The following DGKK variants were observed in gnomAD, a reference collection of about 807,000 sequenced individuals.
DGKK encodes diacylglycerol kinase kappa.
Under a neutral mutation model 92.2 loss-of-function variants are expected in DGKK, and 35 were observed. The ratio of observed to expected loss-of-function variants is 0.38; its 90% CI spans 0.29 to 0.50. The LOEUF is 0.50. DGKK is among the 20% of genes least tolerant of loss of function. The pLI is 0.92. For synonymous variants in DGKK, 368 were observed against 360.6 expected, an observed-to-expected ratio of 1.02 and a Z score of -0.23; for missense variants, 910 against 992.2, an observed-to-expected ratio of 0.92 and a Z score of 1.11.
At chrX:50,447,737 G>C (rs782242212) in intron 1 of DGKK, among the ~76,000 whole-genome samples, 2 of 109,142 alleles carry the variant, frequency 1.8e-5, no homozygotes, top group African/African-American at 6.6e-5. Flanking sequence ...ATAATCCTTT[G>C]TGTTCAGGGC....
chrX:50,387,950 G>T (rs1924591174), intron 13 of DGKK, among the ~76,000 whole-genome samples: 1 of 112,210 alleles, frequency 8.9e-6, no homozygotes, highest in South Asian at 3.7e-4. Context: ...GAATTCACTT[G>T]GTCCAACTTG....
rs1557226575 is a variant in DGKK, at chrX:50,401,080, T to C, written c.1368A>G (p.Ser456=). The C allele has an allele frequency of 8.3e-7, 1 of 1,200,245 alleles. No homozygotes were observed. Among genetic ancestry groups the C allele is most frequent in the Non-Finnish European group, 1.1e-6 (1 of 890,545 alleles). The change falls in exon 8 of 28, where the codon TCA becomes TCG. Residue 456 remains serine (S), a synonymous_variant. Coordinates refer to ENST00000611977, the MANE Select transcript of DGKK (RefSeq NM_001013742.4). ...TTAGAGCAGTGGGAGGAATGACTGA[T>C]GAGCGATGGCTTCTGAAGCAACATT... ...SKECCFRSHR[S]SVIPPTALSD...
At chrX:50,378,856 G>T (rs1924338386) in intron 20 of DGKK, among the ~76,000 whole-genome samples, 165 bp from the exon 21 acceptor site, 1 of 112,148 alleles carries the variant, frequency 8.9e-6, no homozygotes, top group South Asian at 3.7e-4. Context: ...AAGCCAATCT[G>T]GGAAAAGGGT....
At chrX:50,408,486 C>T (rs112647559) in intron 4 of DGKK, among the ~76,000 whole-genome samples, 1 of 111,702 alleles carries the variant, frequency 9.0e-6, no homozygotes, top group African/African-American at 3.3e-5. Flanking sequence ...TCACGCCATT[C>T]TCCTGCCTCA....
At chrX:50,430,285 C>T (rs782218990) in intron 1 of DGKK, among the ~76,000 whole-genome samples, 1 of 112,060 alleles carries the variant, frequency 8.9e-6, no homozygotes. Flanking sequence ...ATCTGTGATG[C>T]TGCAGATAGA....
chrX:50,432,454 A>G (rs1318702558), intron 1 of DGKK, among the ~76,000 whole-genome samples: 1 of 112,490 alleles, frequency 8.9e-6, no homozygotes, highest in Non-Finnish European at 1.9e-5. Flanking sequence ...CATTCTATGT[A>G]CAATGTTTTG....
chrX:50,423,794 G>T, intron 2 of DGKK, among the ~76,000 whole-genome samples: 1 of 112,004 alleles, frequency 8.9e-6, no homozygotes, highest in Non-Finnish European at 1.9e-5. Context: ...ATAGTGTGCA[G>T]ATAAATAGTG....
Position 50,464,865 on chromosome X carries a change from T to C in DGKK, c.645+5169A>G, listed in dbSNP as rs1057431826. On this transcript the variant is annotated intron_variant, in intron 1 of 27. Coordinates refer to ENST00000611977, the MANE Select transcript of DGKK (RefSeq NM_001013742.4). ...CCACAGTGTTGTGCACCCATCACCA[T>C]TCTCTGATTTTAGAACATTTTAATC... 2.7e-5 allele frequency among the ~76,000 whole-genome samples: 3 copies of C among 111,383 alleles called. No homozygotes were observed. The East Asian group carries it at 8.5e-4, about 31-fold the overall frequency.
intron 1 of DGKK, among the ~76,000 whole-genome samples, chrX:50,433,375 C>T (rs1226711458): frequency 8.9e-6 from 1 of 111,830 alleles, no homozygotes; most frequent in Non-Finnish European, 1.9e-5. Flanking sequence ...CTCAGGCCAC[C>T]GTATTTCAGT....
At chrX:50,437,842 C>G (rs1478715579) in intron 1 of DGKK, among the ~76,000 whole-genome samples, 1 of 111,442 alleles carries the variant, frequency 9.0e-6, no homozygotes, top group African/African-American at 3.3e-5. Context: ...GGGATTCCCA[C>G]TGGTCCTGGA....
intron 1 of DGKK, among the ~76,000 whole-genome samples, chrX:50,448,248 T>C (rs1293707603): frequency 9.1e-6 from 1 of 110,439 alleles, no homozygotes; most frequent in Non-Finnish European, 1.9e-5. Flanking sequence ...CCCAATACCA[T>C]TTCCTGGATC....
chrX:50,418,889 A>C (rs1402751532), intron 4 of DGKK, among the ~76,000 whole-genome samples: 4 of 111,856 alleles, frequency 3.6e-5, no homozygotes, highest in Non-Finnish European at 7.5e-5. Flanking sequence ...AATTCAAAAC[A>C]TCCTATGCGA....
At chrX:50,369,947 T>C (rs1381403047) in intron 27 of DGKK, among the ~76,000 whole-genome samples, 2 of 111,730 alleles carry the variant, frequency 1.8e-5, no homozygotes, top group Non-Finnish European at 3.8e-5. Context: ...TACATCAGAA[T>C]TGGCACAACT....
chrX:50,370,275 T>C (rs930778922), intron 27 of DGKK, 151 bp downstream of exon 27: 1 of 638,313 alleles, frequency 1.6e-6, no homozygotes, highest in Non-Finnish European at 2.3e-6. Context: ...AAGATATGGC[T>C]TGGTATCACT....
At chrX:50,396,868 G>C (rs1343533167) in intron 8 of DGKK, among the ~76,000 whole-genome samples, 1 of 112,205 alleles carries the variant, frequency 8.9e-6, no homozygotes, top group Non-Finnish European at 1.9e-5. Context: ...TTAATCATAA[G>C]GGAGTGCCCA....
chrX:50,424,843 C>T (rs782569837), intron 1 of DGKK, among the ~76,000 whole-genome samples: 34 of 111,450 alleles, frequency 3.1e-4, no homozygotes, highest in Non-Finnish European at 7.5e-5. Context: ...CTTCTCAACA[C>T]GTTTAGAGCC....
chrX:50,425,428 T>C (rs1351503500), intron 1 of DGKK, among the ~76,000 whole-genome samples: 2 of 110,440 alleles, frequency 1.8e-5, no homozygotes, highest in Non-Finnish European at 3.8e-5. Context: ...AGAAACTGAG[T>C]ACCAGCTGCT....
chrX:50,469,787 A>G (rs1557234312), intron 1 of DGKK, among the ~76,000 whole-genome samples: 1 of 112,021 alleles, frequency 8.9e-6, no homozygotes. Flanking sequence ...AACTGCTCCG[A>G]TTCCCACCCC....
At chrX:50,402,559 C>T (rs1925036047) in intron 7 of DGKK, among the ~76,000 whole-genome samples, 1 of 111,691 alleles carries the variant, frequency 9.0e-6, no homozygotes, top group Non-Finnish European at 1.9e-5. Flanking sequence ...CTTTTCTGAC[C>T]CTCACCTTCC....
Sources: allele counts gnomAD v4.1 joint callset (sites outside exome capture counted in the v4.1 genomes callset), GRCh38; gene constraint gnomAD v4.1.1; transcripts MANE v1.5; gene names NCBI Gene and HGNC (gene_info 2026-07-23, HGNC 2026-07-21).